Variants in SLC10A7 observed in about 807,000 individuals in gnomAD.
SLC10A7 encodes solute carrier family 10 member 7.
SLC10A7 carries 29 observed loss-of-function variants against 43.2 expected under a neutral mutation model. That is an observed-to-expected ratio of 0.67 (90% CI 0.50 to 0.92). The LOEUF is 0.92. Among genes scored for constraint, SLC10A7 ranks in the 40% least tolerant of loss-of-function variants. The probability of loss-of-function intolerance (pLI) is 0.00; values close to 1 mark genes in which losing one functional copy is unlikely to be tolerated. For missense variants in SLC10A7, 295 were observed against 403.2 expected, an observed-to-expected ratio of 0.73 and a Z score of 2.30; for synonymous variants, 152 against 144.8, an observed-to-expected ratio of 1.05 and a Z score of -0.35.
intron 10 of SLC10A7, among the ~76,000 whole-genome samples, chr4:146,260,119 T>G (rs1308587272): frequency 2.6e-5 from 4 of 152,204 alleles, no homozygotes; most frequent in Non-Finnish European, 4.4e-5. Flanking sequence ...CCAAACATAG[T>G]CTCTGAGAGC....
intron 5 of SLC10A7, among the ~76,000 whole-genome samples, chr4:146,337,136 G>T (rs1223223394): frequency 1.3e-5 from 2 of 151,978 alleles, no homozygotes; most frequent in African/African-American, 4.8e-5. Context: ...CTAAGTTTTA[G>T]ATTTAACAGG....
At chr4:146,468,091 T>C (rs1161787843) in intron 4 of SLC10A7, among the ~76,000 whole-genome samples, 2 of 152,214 alleles carry the variant, frequency 1.3e-5, no homozygotes, top group Non-Finnish European at 2.9e-5. Context: ...TGCAGCTCCA[T>C]AGCTAGAGAA....
chr4:146,295,775 GAAATA>G (rs990628221), intron 7 of SLC10A7, among the ~76,000 whole-genome samples: 1 of 152,010 alleles, frequency 6.6e-6, no homozygotes, highest in Non-Finnish European at 1.5e-5. Flanking sequence ...ACTCCTTTAG[GAAATA>G]AAATAAATGG....
At chr4:146,348,564 T>C (rs1734791459) in intron 5 of SLC10A7, among the ~76,000 whole-genome samples, 1 of 152,204 alleles carries the variant, frequency 6.6e-6, no homozygotes, top group East Asian at 1.9e-4. Context: ...TTATTACCTT[T>C]CCTGTAGGGT....
chr4:146,474,089 G>A (rs962776510), intron 4 of SLC10A7, among the ~76,000 whole-genome samples: 20 of 150,078 alleles, frequency 1.3e-4, no homozygotes, highest in Non-Finnish European at 2.2e-4. Context: ...GTTGAAGAAA[G>A]TTGTTCTTTA....
In SLC10A7 at chr4:146,366,797, T is replaced by C. The variant is rs1396914918; in HGVS notation, c.436-40801A>G. ...AAAAAAGTATTTATTTTCCCTTCAT[T>C]TGGAAATATTTACTTTAAGTCACTG... is the stretch of plus-strand genomic sequence containing the variant. On this transcript the variant is annotated intron_variant, in intron 5 of 11. Transcript: ENST00000335472. Among the ~76,000 whole-genome samples, 3 of 152,188 alleles carry C rather than the reference T, an allele frequency of 2.0e-5. No homozygotes were observed. In the East Asian group the frequency reaches 5.8e-4, roughly 29 times the overall value.
intron 5 of SLC10A7, among the ~76,000 whole-genome samples, chr4:146,384,558 T>C (rs1737855461): frequency 6.6e-6 from 1 of 152,126 alleles, no homozygotes; most frequent in African/African-American, 2.4e-5. Flanking sequence ...ACTATGTGAT[T>C]TTATTATTAG....
At chr4:146,262,813 A>G (rs1728316148) in intron 10 of SLC10A7, among the ~76,000 whole-genome samples, 1 of 152,206 alleles carries the variant, frequency 6.6e-6, no homozygotes, top group Non-Finnish European at 1.5e-5. Context: ...TGTCCTGTCC[A>G]AGCCATTTTC....
At chr4:146,410,235 C>T (rs755646436) in intron 5 of SLC10A7, among the ~76,000 whole-genome samples, 7 of 152,002 alleles carry the variant, frequency 4.6e-5, no homozygotes, top group Non-Finnish European at 1.0e-4. Flanking sequence ...TATTCTGATC[C>T]CAAATCTAAT....
chr4:146,360,091 C>T (rs1735936427), intron 5 of SLC10A7, among the ~76,000 whole-genome samples: 1 of 152,188 alleles, frequency 6.6e-6, no homozygotes, highest in South Asian at 2.1e-4. Context: ...TCATCCTTAA[C>T]TCCTCTCCCT....
chr4:146,454,312 T>C (rs556971937), intron 4 of SLC10A7, among the ~76,000 whole-genome samples: 1 of 152,024 alleles, frequency 6.6e-6, no homozygotes, highest in South Asian at 2.1e-4. Context: ...TTCAAAGGTG[T>C]TCAATTTCTA....
At chr4:146,335,470 T>C (rs1733832550) in intron 5 of SLC10A7, among the ~76,000 whole-genome samples, 1 of 151,938 alleles carries the variant, frequency 6.6e-6, no homozygotes, top group African/African-American at 2.4e-5. Flanking sequence ...CTGAATCTTT[T>C]ATAAGAGGCA....
intron 3 of SLC10A7, among the ~76,000 whole-genome samples, chr4:146,508,303 CCAGAAGACAA>C (rs1228694788): frequency 2.0e-5 from 3 of 152,012 alleles, no homozygotes; most frequent in Non-Finnish European, 2.9e-5. Flanking sequence ...TTGGAAGTTC[CCAGAAGACAA>C]CAAAAATGAG....
chr4:146,309,043 C>T (rs1235189668), intron 6 of SLC10A7, among the ~76,000 whole-genome samples: 7 of 152,116 alleles, frequency 4.6e-5, no homozygotes, highest in Non-Finnish European at 8.8e-5. Context: ...TCGGTGTGCA[C>T]GCCTGTCCAT....
intron 10 of SLC10A7, among the ~76,000 whole-genome samples, chr4:146,281,396 CAA>C (rs774519759): frequency 4.0e-5 from 3 of 74,908 alleles, no homozygotes; most frequent in Admixed American, 2.8e-4. Flanking sequence ...GAAGTAAAAT[CAA>C]AAAAAAAAAA....
At chr4:146,394,140 A>G (rs1411847344) in intron 5 of SLC10A7, among the ~76,000 whole-genome samples, 3 of 152,142 alleles carry the variant, frequency 2.0e-5, no homozygotes, top group African/African-American at 7.2e-5. Flanking sequence ...ATGTAAGGCC[A>G]ATATCACCGA....
intron 4 of SLC10A7, among the ~76,000 whole-genome samples, chr4:146,488,297 AT>A (rs1735089130): frequency 1.3e-5 from 2 of 152,196 alleles, no homozygotes; most frequent in African/African-American, 4.8e-5. Flanking sequence ...TATATTAAAT[AT>A]ATTTTAATTC....
intron 5 of SLC10A7, among the ~76,000 whole-genome samples, chr4:146,427,262 G>A (rs983344081): frequency 5.3e-5 from 8 of 152,186 alleles, no homozygotes; most frequent in African/African-American, 1.9e-4. Flanking sequence ...TTGAGCCAGA[G>A]AGGCAGAAGT....
intron 4 of SLC10A7, among the ~76,000 whole-genome samples, chr4:146,445,283 TA>T (rs1179467605): frequency 6.6e-6 from 1 of 152,100 alleles, no homozygotes; most frequent in East Asian, 1.9e-4. Context: ...CTTGATCCCT[TA>T]TGGGACTCGC....
Sources: allele counts gnomAD v4.1 joint callset (sites outside exome capture counted in the v4.1 genomes callset), GRCh38; gene constraint gnomAD v4.1.1; transcripts MANE v1.5; gene names NCBI Gene and HGNC (gene_info 2026-07-23, HGNC 2026-07-21).